PTPRQ: variants seen among roughly 807,000 people sequenced by gnomAD.
The protein encoded by PTPRQ is protein tyrosine phosphatase receptor type Q.
Under a neutral mutation model 246.0 loss-of-function variants are expected in PTPRQ, and 199 were observed. That is an observed-to-expected ratio of 0.81 (90% CI 0.72 to 0.91). The LOEUF (loss-of-function observed/expected upper bound fraction) is 0.91. PTPRQ is among the 40% of genes least tolerant of loss of function. PTPRQ has a pLI of 0.00. For missense variants in PTPRQ, 2,624 were observed against 2,528.4 expected (o/e 1.04, Z -0.81); for synonymous variants, 869 against 853.2 (o/e 1.02, Z -0.32).
chr12:80,538,381 T>C (rs1896051529), intron 19 of PTPRQ, among the ~76,000 whole-genome samples: 1 of 152,224 alleles, frequency 6.6e-6, no homozygotes, highest in African/African-American at 2.4e-5. Flanking sequence ...TAATTTGTTA[T>C]GTATTAGCCA....
chr12:80,498,099 A>G (rs1320458782), intron 14 of PTPRQ, among the ~76,000 whole-genome samples: 1 of 152,076 alleles, frequency 6.6e-6, no homozygotes, highest in African/African-American at 2.4e-5. Flanking sequence ...AGAGCCTTGA[A>G]GTGACACTTA....
At chr12:80,469,573 A>T (rs1232183880) in intron 7 of PTPRQ, among the ~76,000 whole-genome samples, 1 of 150,384 alleles carries the variant, frequency 6.6e-6, no homozygotes, top group African/African-American at 2.5e-5. Flanking sequence ...ATTATCATTT[A>T]TTTGGGGGCA....
chr12:80,522,301 T>C (rs998546872), intron 17 of PTPRQ, among the ~76,000 whole-genome samples: 25 of 152,236 alleles, frequency 1.6e-4, no homozygotes, highest in African/African-American at 6.0e-4. Flanking sequence ...AATCATGTCA[T>C]CTGCAAACAG....
intron 16 of PTPRQ, among the ~76,000 whole-genome samples, chr12:80,507,651 T>G (rs1233076740): frequency 6.6e-6 from 1 of 151,966 alleles, no homozygotes; most frequent in East Asian, 1.9e-4. Flanking sequence ...TGGCTAGGGC[T>G]GTCTGTGTTG....
At chr12:80,565,962 T>C (rs1896966082) in intron 25 of PTPRQ, among the ~76,000 whole-genome samples, 1 of 152,126 alleles carries the variant, frequency 6.6e-6, no homozygotes, top group African/African-American at 2.4e-5. Context: ...TCAAATAAGG[T>C]AAAAGTAGCA....
chr12:80,479,856 C>T (rs1893970744), intron 8 of PTPRQ, among the ~76,000 whole-genome samples: 2 of 152,052 alleles, frequency 1.3e-5, no homozygotes, highest in African/African-American at 4.8e-5. Context: ...AATACAGGAG[C>T]ACCCAGATTC....
At position 80,494,977 on chromosome 12, in the gene PTPRQ, C is replaced by T. The variant is rs1194902800; in HGVS notation, c.1585C>T (p.Leu529=). 1 of 1,550,048 alleles carries T rather than the reference C, an allele frequency of 6.5e-7. No individual in the cohort carries two copies. Among genetic ancestry groups the T allele is most frequent in the Non-Finnish European group, 8.7e-7 (1 of 1,145,992 alleles). ...TATTACTGACATTGCAGCTGAACAG[C>T]TGTCTTATGTTATCAGGAGACTTGT... ...QYITDIAAEQ[L]SYVIRRLVPF... is the part of the protein sequence containing the mutation. Residue 529 remains leucine, a synonymous_variant, in exon 11 of 45, where the codon CTG becomes TTG. Transcript: ENST00000644991.
At chr12:80,508,027 G>A (rs1309375953) in intron 16 of PTPRQ, among the ~76,000 whole-genome samples, 1 of 151,964 alleles carries the variant, frequency 6.6e-6, no homozygotes, top group East Asian at 1.9e-4. Context: ...GACCAGTAGT[G>A]AACATATATT....
intron 6 of PTPRQ, among the ~76,000 whole-genome samples, chr12:80,464,199 C>A (rs1357099183): frequency 1.3e-4 from 19 of 147,160 alleles, no homozygotes; most frequent in Admixed American, 2.7e-4. Flanking sequence ...GGAAAACAAA[C>A]AAAGGCAGGG....
chr12:80,445,090 A>G (rs905639575), intron 2 of PTPRQ, among the ~76,000 whole-genome samples: 1 of 151,906 alleles, frequency 6.6e-6, no homozygotes, highest in Non-Finnish European at 1.5e-5. Flanking sequence ...TAGATCAGAG[A>G]GACTGTTAAT....
intron 20 of PTPRQ, among the ~76,000 whole-genome samples, chr12:80,540,449 T>C (rs12300050): frequency 0.083 from 12,670 of 152,116 alleles, 1,439 homozygotes; most frequent in African/African-American, 0.25. Context: ...TTCAGAAAAC[T>C]ATAATGATTG....
At chr12:80,480,985 A>G (rs1894027087) in intron 8 of PTPRQ, among the ~76,000 whole-genome samples, 1 of 152,162 alleles carries the variant, frequency 6.6e-6, no homozygotes, top group African/African-American at 2.4e-5. Flanking sequence ...AACTATTCCA[A>G]TCAATAGAAA....
At chr12:80,568,144 A>G (rs1177164687) in intron 25 of PTPRQ, among the ~76,000 whole-genome samples, 1 of 152,172 alleles carries the variant, frequency 6.6e-6, no homozygotes, top group Admixed American at 6.5e-5. Context: ...TTGTTCTGTG[A>G]CCTTCAAAAA....
intron 25 of PTPRQ, among the ~76,000 whole-genome samples, chr12:80,556,788 AATT>A (rs1190638913): frequency 1.3e-5 from 2 of 152,156 alleles, no homozygotes; most frequent in East Asian, 3.9e-4. Context: ...AATAAATAGG[AATT>A]TCAAGATACA....
chr12:80,670,406 T>C lies in PTPRQ; in HGVS notation c.6516T>C (p.Pro2172=), dbSNP rs368794930. Residue 2172 remains proline (P), a synonymous_variant, in exon 42 of 45, where the codon CCT becomes CCC. Coordinates refer to ENST00000644991, the MANE Select transcript of PTPRQ (RefSeq NM_001145026.2). ...NFTAWPEHGV[P]ENSAPLIHFV... ...CTGCCTGGCCAGAGCATGGGGTTCC[T>C]GAGAACAGCGCCCCTCTAATTCACT... is the stretch of plus-strand genomic sequence containing the variant. 6.4e-7 allele frequency: 1 copy of C among 1,551,080 alleles called. No individual in the cohort carries two copies. The highest frequency in any genetic ancestry group is 1.4e-5 in the African/African-American group (1 of 72,968).
At chr12:80,492,489 A>T (rs1894480305) in intron 9 of PTPRQ, among the ~76,000 whole-genome samples, 1 of 151,992 alleles carries the variant, frequency 6.6e-6, no homozygotes, top group East Asian at 1.9e-4. Flanking sequence ...ATCCAATATT[A>T]TTTGGCCATA....
intron 17 of PTPRQ, among the ~76,000 whole-genome samples, chr12:80,514,880 A>G (rs1895245048): frequency 6.8e-6 from 1 of 147,774 alleles, no homozygotes; most frequent in African/African-American, 2.5e-5. Flanking sequence ...TTACATAAAG[A>G]TAGAACAAAA....
intron 17 of PTPRQ, among the ~76,000 whole-genome samples, chr12:80,518,483 A>T (rs770094157): frequency 1.3e-5 from 2 of 151,934 alleles, no homozygotes; most frequent in African/African-American, 2.4e-5. Flanking sequence ...AAGCTCTTTA[A>T]CTAGTTGTGA....
At position 80,496,050 on chromosome 12, in the gene PTPRQ, T is replaced by A. The variant is rs10778752; in HGVS notation, c.1934T>A (p.Val645Asp). The change falls in exon 13 of 45, where the codon GTT (valine) becomes GAT (aspartate). Residue 645 changes from valine (V) to aspartate (D), a missense_variant. Physicochemically the swap from Val to Asp is radical, Grantham distance 152. Coordinates refer to ENST00000644991, the MANE Select transcript of PTPRQ (RefSeq NM_001145026.2). ...ATGAGAGTGGCAGCCTCAACCCACG[T>A]TGGAGAAAGTTCTTTGTCTGAAGAA... ...YKMRVAASTH[V>D]GESSLSEEND... 0.9 allele frequency: 1,396,608 copies of A among 1,550,052 alleles called. 634,944 individuals carry two copies. Among genetic ancestry groups the A allele is most frequent in the Non-Finnish European group, 0.93 (1,069,618 of 1,146,190 alleles).
Sources: allele counts gnomAD v4.1 joint callset (sites outside exome capture counted in the v4.1 genomes callset), GRCh38; gene constraint gnomAD v4.1.1; transcripts MANE v1.5; gene names NCBI Gene and HGNC (gene_info 2026-07-23, HGNC 2026-07-21).